Variants in DCAF4 observed in about 807,000 individuals in gnomAD.
The protein encoded by DCAF4 is DDB1- and CUL4-associated factor 4.
A neutral mutation model predicts 60.9 loss-of-function variants in DCAF4; 37 were observed. The observed-to-expected ratio is 0.61, with a 90% confidence interval of 0.47 to 0.80. The LOEUF (loss-of-function observed/expected upper bound fraction) is 0.80. Among genes scored for constraint, DCAF4 ranks in the 30% least tolerant of loss-of-function variants. The pLI is 0.00. For synonymous variants in DCAF4, 243 were observed against 254.8 expected, an observed-to-expected ratio of 0.95 and a Z score of 0.44; for missense variants, 577 against 650.0, an observed-to-expected ratio of 0.89 and a Z score of 1.22.
chr14:72,943,190 G>T, intron 6 of DCAF4, 94 bp downstream of exon 6: 1 of 1,098,590 alleles, frequency 9.1e-7, no homozygotes, highest in Admixed American at 2.1e-5. Context: ...TGGCTCTGGA[G>T]AAGCCAACTG....
chr14:72,958,704 A>G lies in DCAF4; in HGVS notation c.1387A>G (p.Ile463Val). Residue 463 changes from isoleucine (I) to valine (V), a missense_variant, in exon 14 of 14, where the codon ATT becomes GTT. Coordinates refer to ENST00000358377, the MANE Select transcript of DCAF4 (RefSeq NM_015604.4). ...PSPYPASKAD[I>V]PSVAFSSRLG... ...CCCGTACCCTGCCTCCAAGGCCGAC[A>G]TTCCCAGTGTGGCCTTCTCGTCGCG... 1 of 1,614,110 alleles carries G rather than the reference A, an allele frequency of 6.2e-7. No individual in the cohort carries two copies. The highest frequency in any genetic ancestry group is 8.5e-7 in the Non-Finnish European group (1 of 1,180,008).
intron 5 of DCAF4, chr14:72,942,242 CA>C (rs1007162896): frequency 1.8e-5 from 3 of 164,144 alleles, no homozygotes; most frequent in African/African-American, 7.2e-5. Context: ...ATGGCTGATA[CA>C]ATTCTAACTA....
At chr14:72,926,723 C>G (rs1419716435) in intron 1 of DCAF4, 180 bp downstream of exon 1, 1 of 152,318 alleles carries the variant, frequency 6.6e-6, no homozygotes, top group Non-Finnish European at 1.5e-5. Flanking sequence ...GCAGCTGGGC[C>G]GGCGCGCTCC....
At chr14:72,943,729 C>T (rs1459894612) in intron 6 of DCAF4, among the ~76,000 whole-genome samples, 1 of 152,136 alleles carries the variant, frequency 6.6e-6, no homozygotes, top group African/African-American at 2.4e-5. Flanking sequence ...TTCGATGGAC[C>T]ACGTAAGAGC....
At chr14:72,943,842 T>C (rs1890368598) in intron 6 of DCAF4, among the ~76,000 whole-genome samples, 1 of 152,160 alleles carries the variant, frequency 6.6e-6, no homozygotes. Flanking sequence ...GGTCATCTGC[T>C]GGTGGGACTG....
At chr14:72,936,243 A>G (rs1242602675) in intron 1 of DCAF4, among the ~76,000 whole-genome samples, 1 of 152,220 alleles carries the variant, frequency 6.6e-6, no homozygotes, top group African/African-American at 2.4e-5. Flanking sequence ...GGTGTTCAGG[A>G]GCCATTGTTT....
At chr14:72,960,312 G>C (rs1036869249), downstream of DCAF4, among the ~76,000 whole-genome samples, 3 of 152,038 alleles carry the variant, frequency 2.0e-5, no homozygotes, top group African/African-American at 7.3e-5. Context: ...ACCACGCCTG[G>C]CTAATTTTGT....
intron 4 of DCAF4, among the ~76,000 whole-genome samples, chr14:72,941,262 TC>T (rs1257169522): frequency 6.6e-6 from 1 of 152,158 alleles, no homozygotes; most frequent in Non-Finnish European, 1.5e-5. Context: ...ACCATGCCCA[TC>T]CCAGCTGTCT....
chr14:72,953,732 A>AATATAT (rs71109769), intron 9 of DCAF4, among the ~76,000 whole-genome samples: 2 of 21,766 alleles, frequency 9.2e-5, no homozygotes, highest in African/African-American at 4.7e-4. Flanking sequence ...AAAAAAAAAA[A>AATATAT]ATATATATAT....
downstream of DCAF4, among the ~76,000 whole-genome samples, chr14:72,960,080 A>G (rs1485128557): frequency 1.3e-5 from 2 of 152,138 alleles, no homozygotes; most frequent in East Asian, 3.8e-4. Context: ...ATGCCTCACT[A>G]GGTAGACTCG....
intron 1 of DCAF4, among the ~76,000 whole-genome samples, chr14:72,927,666 T>C (rs773193083): frequency 4.6e-5 from 7 of 151,928 alleles, no homozygotes; most frequent in Non-Finnish European, 8.8e-5. Context: ...TGGTGTTCTG[T>C]GGGTAACCAG....
At chr14:72,947,319 A>T (rs978383436) in intron 8 of DCAF4, 128 bp downstream of exon 8, 1 of 1,080,572 alleles carries the variant, frequency 9.3e-7, no homozygotes, top group African/African-American at 1.6e-5. Context: ...CTTACATCTC[A>T]CGCTTTAGAA....
At position 72,947,122 on chromosome 14, in the gene DCAF4, G is replaced by T; in HGVS notation, c.679-20G>T. On this transcript the variant is annotated intron_variant, in intron 7 of 13. Transcript: ENST00000358377. ...TTACTGTAGAATAACTTTCCATCTC[G>T]CTGTGTGCTTCCTCACCAGGTGAAT... The T allele has an allele frequency of 6.2e-7, 1 of 1,614,052 alleles. No homozygotes were observed. The highest frequency in any genetic ancestry group is 8.5e-7 in the Non-Finnish European group (1 of 1,179,990).
intron 1 of DCAF4, among the ~76,000 whole-genome samples, chr14:72,928,686 G>T (rs374019443): frequency 2.0e-5 from 3 of 150,816 alleles, no homozygotes; most frequent in Non-Finnish European, 4.4e-5. Flanking sequence ...TATTATATTG[G>T]CAAGATTGTG....
intron 1 of DCAF4, among the ~76,000 whole-genome samples, chr14:72,934,124 C>G (rs1218184388): frequency 1.3e-5 from 2 of 151,238 alleles, no homozygotes; most frequent in African/African-American, 2.4e-5. Context: ...AGCCTGCAGG[C>G]CCCCCGCCCC....
At chr14:72,956,529 C>T (rs1446431599) in intron 13 of DCAF4, 29 bp downstream of exon 13, 1 of 1,584,616 alleles carries the variant, frequency 6.3e-7, no homozygotes, top group East Asian at 2.3e-5. Context: ...GGAAGTTCCA[C>T]CCCATCAAAT....
At chr14:72,929,560 T>A in intron 1 of DCAF4, 1 of 853,900 alleles carries the variant, frequency 1.2e-6, no homozygotes, top group South Asian at 1.5e-5. Context: ...ATTTTTATTT[T>A]ATTTTTCCGT....
At chr14:72,936,921 C>G (rs954033873) in intron 1 of DCAF4, among the ~76,000 whole-genome samples, 18 of 152,080 alleles carry the variant, frequency 1.2e-4, no homozygotes, top group Admixed American at 1.3e-4. Flanking sequence ...TTACAGAAGC[C>G]AAAGGAAGAA....
intron 9 of DCAF4, 56 bp downstream of exon 9, chr14:72,951,933 G>C (rs1048308578): frequency 8.0e-5 from 127 of 1,594,576 alleles, no homozygotes; most frequent in Non-Finnish European, 1.1e-4. Context: ...AGAGCTGTGT[G>C]GGGGTGGCTT....
Sources: gnomAD v4.1 joint callset for allele counts (sites outside exome capture counted in the v4.1 genomes callset) on GRCh38, gnomAD v4.1.1 for gene constraint, MANE v1.5 for transcripts, NCBI Gene and HGNC (gene_info 2026-07-23, HGNC 2026-07-21) for gene names.